SHC4: variants seen among roughly 807,000 people sequenced by gnomAD.
SHC4 encodes the protein SHC-transforming protein 4.
In SHC4, 41 loss-of-function variants were observed where a neutral mutation model predicts 69.4. The ratio of observed to expected loss-of-function variants is 0.59; its 90% CI spans 0.46 to 0.77. The LOEUF is 0.77. Among genes scored for constraint, SHC4 ranks in the 30% least tolerant of loss-of-function variants. The pLI, the probability that SHC4 is intolerant of heterozygous loss-of-function variation, is 0.00. For synonymous variants in SHC4, 318 were observed against 299.3 expected (o/e 1.06, Z -0.64); for missense variants, 777 against 783.8 (o/e 0.99, Z 0.10).
chr15:48,865,637 G>T (rs906888067), intron 6 of SHC4, among the ~76,000 whole-genome samples: 3 of 152,202 alleles, frequency 2.0e-5, no homozygotes, highest in Admixed American at 1.3e-4. Context: ...TTCCAACCCA[G>T]TCTTTCTGAC....
At chr15:48,958,045 G>C (rs1466821324) in intron 1 of SHC4, among the ~76,000 whole-genome samples, 2 of 152,222 alleles carry the variant, frequency 1.3e-5, no homozygotes, top group Non-Finnish European at 2.9e-5. Context: ...CTTGATTTCA[G>C]ACGTCCAGCC....
intron 1 of SHC4, chr15:48,938,476 G>C (rs915642247): frequency 6.6e-6 from 1 of 151,952 alleles, no homozygotes; most frequent in African/African-American, 2.4e-5. Context: ...TTGTATTGTG[G>C]GAGTCATTAG....
At chr15:48,943,748 C>G (rs1330969204) in intron 1 of SHC4, among the ~76,000 whole-genome samples, 3 of 152,088 alleles carry the variant, frequency 2.0e-5, no homozygotes, top group African/African-American at 7.2e-5. Flanking sequence ...GTTCTCCACA[C>G]CTTCACTTAT....
At chr15:48,860,334 G>GT (rs1368640386) in intron 6 of SHC4, among the ~76,000 whole-genome samples, 2 of 151,760 alleles carry the variant, frequency 1.3e-5, no homozygotes, top group East Asian at 3.9e-4. Context: ...GTGAAACCCC[G>GT]TATCTATTAA....
intron 2 of SHC4, among the ~76,000 whole-genome samples, chr15:48,904,653 G>A (rs1263782818): frequency 6.6e-6 from 1 of 152,134 alleles, no homozygotes; most frequent in East Asian, 1.9e-4. Flanking sequence ...TAAGGTGGGA[G>A]GACTGCTTGA....
intron 4 of SHC4, chr15:48,877,661 A>C: frequency 4.4e-6 from 3 of 689,098 alleles, no homozygotes; most frequent in Non-Finnish European, 5.4e-6. Context: ...AGTACAATAT[A>C]TCTGTTGTTT....
chr15:48,871,567 C>T (rs1161416824), intron 5 of SHC4, among the ~76,000 whole-genome samples: 1 of 152,122 alleles, frequency 6.6e-6, no homozygotes, highest in African/African-American at 2.4e-5. Flanking sequence ...TCACATGACC[C>T]CATCTTGGTA....
At chr15:48,930,313 C>A (rs1900938201) in intron 1 of SHC4, among the ~76,000 whole-genome samples, 1 of 152,126 alleles carries the variant, frequency 6.6e-6, no homozygotes, top group African/African-American at 2.4e-5. Context: ...ATAAAATGAG[C>A]AAAGCTCACT....
intron 4 of SHC4, chr15:48,876,467 A>G: frequency 2.8e-6 from 1 of 362,582 alleles, no homozygotes; most frequent in South Asian, 1.2e-4. Context: ...ACACACACAC[A>G]CGTATATACA....
In SHC4 at chr15:48,887,098, T is replaced by C. The variant is rs1480636449; in HGVS notation, c.721-2731A>G. Among the ~76,000 whole-genome samples the C allele has an allele frequency of 2.0e-5, 3 of 152,378 alleles. No homozygotes were observed. In the East Asian group the frequency reaches 5.8e-4, roughly 29 times the overall value. On this transcript the variant is annotated intron_variant, in intron 3 of 11. Coordinates refer to ENST00000332408, the MANE Select transcript of SHC4 (RefSeq NM_203349.4). ...GTTCTTTTGGTTATTCATTAACTTT[T>C]AGACTTCAAAACTCATGGGAGATCA... is the stretch of plus-strand genomic sequence containing the variant.
chr15:48,952,005 T>C, intron 1 of SHC4, among the ~76,000 whole-genome samples: 1 of 152,172 alleles, frequency 6.6e-6, no homozygotes, highest in East Asian at 1.9e-4. Flanking sequence ...CTGCTGCCGA[T>C]GAGCCCTGTG....
chr15:48,876,265 TG>T (rs1464922342), intron 4 of SHC4, among the ~76,000 whole-genome samples: 1 of 152,172 alleles, frequency 6.6e-6, no homozygotes, highest in Non-Finnish European at 1.5e-5. Flanking sequence ...GGGTGACAAA[TG>T]AACACTGGGA....
At chr15:48,904,916 G>GCACACA (rs766950039) in intron 2 of SHC4, among the ~76,000 whole-genome samples, 2 of 133,202 alleles carry the variant, frequency 1.5e-5, no homozygotes, top group African/African-American at 5.7e-5. Flanking sequence ...CGACACACAC[G>GCACACA]CACACACACA....
chr15:48,828,437 T>C (rs1367576412), intron 11 of SHC4, among the ~76,000 whole-genome samples: 13 of 152,232 alleles, frequency 8.5e-5, no homozygotes, highest in African/African-American at 2.9e-4. Context: ...CTCTTGACTA[T>C]TGTGAATAAT....
chr15:48,879,314 A>G (rs1311826195), intron 4 of SHC4: 3 of 167,368 alleles, frequency 1.8e-5, no homozygotes, highest in African/African-American at 7.2e-5. Flanking sequence ...TGTGCTTTGT[A>G]TCTTAAGATG....
At chr15:48,896,223 TCTCCCTCC>T (rs747288477) in intron 2 of SHC4, among the ~76,000 whole-genome samples, 1 of 150,952 alleles carries the variant, frequency 6.6e-6, no homozygotes, top group African/African-American at 2.4e-5. Context: ...TTTCTCTCTC[TCTCCCTCC>T]CTCCCTCCCT....
At chr15:48,956,940 CTT>C (rs1441360435) in intron 1 of SHC4, among the ~76,000 whole-genome samples, 1 of 141,758 alleles carries the variant, frequency 7.1e-6, no homozygotes, top group Non-Finnish European at 1.5e-5. Context: ...ACTTCTTCTT[CTT>C]TTTTTCTTTT....
rs1284256985 is a variant in SHC4 at position 48,865,115 on chromosome 15, A to G, written c.946+2703T>C. Among the ~76,000 whole-genome samples the G allele has an allele frequency of 3.9e-5, 6 of 152,310 alleles. 1 individual carries two copies. The highest frequency in any genetic ancestry group is 1.9e-4 in the East Asian group (1 of 5,180). On this transcript the variant is annotated intron_variant, in intron 6 of 11. Coordinates refer to ENST00000332408, the MANE Select transcript of SHC4 (RefSeq NM_203349.4). ...TAGGCATCCCTCTTTCTCTATGCAC[A>G]TCTTATGGATTATGTTTCTCCCTCT...
At chr15:48,939,499 AT>A (rs2081180388) in intron 1 of SHC4, among the ~76,000 whole-genome samples, 1 of 152,224 alleles carries the variant, frequency 6.6e-6, no homozygotes, top group Non-Finnish European at 1.5e-5. Context: ...CATTTCATTA[AT>A]CATCCAATTA....
Sources: gnomAD v4.1 joint callset for allele counts (sites outside exome capture counted in the v4.1 genomes callset) on GRCh38, gnomAD v4.1.1 for gene constraint, MANE v1.5 for transcripts, NCBI Gene and HGNC (gene_info 2026-07-23, HGNC 2026-07-21) for gene names.